Variants in HYDIN observed in about 807,000 individuals in gnomAD.
The protein encoded by HYDIN is axonemal central pair apparatus protein HYDIN.
HYDIN carries 132 observed loss-of-function variants against 403.9 expected under a neutral mutation model. That is an observed-to-expected ratio of 0.33 (90% CI 0.28 to 0.38). The LOEUF (loss-of-function observed/expected upper bound fraction) is 0.38, where lower values mean the gene tolerates loss of function less well. Among genes scored for constraint, HYDIN ranks in the 10% least tolerant of loss-of-function variants. HYDIN has a pLI of 1.00. For missense variants in HYDIN, 2,827 were observed against 5,009.5 expected, an observed-to-expected ratio of 0.56 and a Z score of 13.15; for synonymous variants, 1,202 against 1,891.7, an observed-to-expected ratio of 0.64 and a Z score of 9.46.
At chr16:70,922,820 T>A (rs892082340) in intron 45 of HYDIN, among the ~76,000 whole-genome samples, 3 of 131,604 alleles carry the variant, frequency 2.3e-5, no homozygotes, top group African/African-American at 8.8e-5. Flanking sequence ...CAAGTTGGAG[T>A]GTAGTGGTAT....
chr16:71,005,634 A>T (rs1304489482), intron 23 of HYDIN, among the ~76,000 whole-genome samples: 1 of 152,206 alleles, frequency 6.6e-6, no homozygotes, highest in African/African-American at 2.4e-5. Flanking sequence ...TAGAAATTTC[A>T]ACATTGCTTT....
intron 20 of HYDIN, 185 bp downstream of exon 20, chr16:71,027,417 T>G: frequency 6.8e-7 from 1 of 1,473,740 alleles, no homozygotes; most frequent in Non-Finnish European, 8.9e-7. Context: ...CAGAAACAAA[T>G]TGAAGACTGA....
chr16:70,864,824 G>A (rs71248603), intron 67 of HYDIN, among the ~76,000 whole-genome samples: 10,888 of 152,116 alleles, frequency 0.072, 437 homozygotes, highest in Middle Eastern at 0.16. Context: ...TGTCCCATAC[G>A]GTCTCTGCAA....
intron 15 of HYDIN, chr16:71,066,462 TCAGAATTC>T (rs2082270706): frequency 6.3e-6 from 1 of 159,748 alleles, no homozygotes; most frequent in Admixed American, 6.2e-5. Flanking sequence ...TCACAAGAGA[TCAGAATTC>T]CAGAGATTGA....
At chr16:71,205,194 G>T (rs2088229639) in intron 1 of HYDIN, among the ~76,000 whole-genome samples, 1 of 152,178 alleles carries the variant, frequency 6.6e-6, no homozygotes, top group African/African-American at 2.4e-5. Context: ...GAACAAAAAG[G>T]CCAATGAATA....
chr16:70,833,109 G>A (rs1286461224), intron 79 of HYDIN, 42 bp from the exon 80 acceptor site: 3 of 1,546,554 alleles, frequency 1.9e-6, no homozygotes, highest in Non-Finnish European at 2.6e-6. Context: ...GTTTATGGAT[G>A]TTGTAAGGGT....
Position 70,941,809 on chromosome 16 carries a change from C to G in HYDIN, c.6680G>C (p.Cys2227Ser). ...ILAERIQLSD[C>S]YRGVVFDGLD... ...GCCATCAAACACCACTCCTCGGTAG[C>G]AGTCACTCAGCTGAAACCAGAGAGA... Residue 2227 changes from cysteine (C) to serine (S), a missense_variant, in exon 43 of 86, where the codon TGC (cysteine) becomes TCC (serine). Cys to Ser is a moderately radical substitution (Grantham distance 112). Coordinates refer to ENST00000393567, the MANE Select transcript of HYDIN (RefSeq NM_001270974.2). 1 of 1,512,934 alleles carries G rather than the reference C, an allele frequency of 6.6e-7. No homozygotes were observed. Among genetic ancestry groups the G allele is most frequent in the Admixed American group, 2.2e-5 (1 of 45,394 alleles). The allele number at this position is 1,512,934 out of a possible 1,614,324, so 93.7% of individuals were successfully genotyped here. A position where few individuals can be genotyped will look rare whatever the true frequency, so the allele number is the denominator to read the frequency against.
intron 1 of HYDIN, among the ~76,000 whole-genome samples, chr16:71,199,826 A>G (rs2087895610): frequency 6.6e-6 from 1 of 152,230 alleles, no homozygotes; most frequent in African/African-American, 2.4e-5. Context: ...AATTGTATGA[A>G]GCACAATACA....
Position 71,221,267 on chromosome 16 carries a change from A to G in HYDIN, c.-24+9295T>C, listed in dbSNP as rs532619892. Among the ~76,000 whole-genome samples the G allele has an allele frequency of 1.1e-3, 162 of 152,262 alleles. 1 individual carries two copies. The highest frequency in any genetic ancestry group is 3.8e-3 in the African/African-American group (156 of 41,542). On this transcript the variant is annotated intron_variant, in intron 1 of 85. Transcript: ENST00000393567. Reference sequence around the variant, plus strand: ...GAGAGAAAGGTATAAAGAAAAAAAAAAAAACCCTGAAAGGTTAGAATCACA... The same window carrying G: ...GAGAGAAAGGTATAAAGAAAAAAAAGAAAACCCTGAAAGGTTAGAATCACA...
At chr16:70,937,287 C>A in intron 44 of HYDIN, among the ~76,000 whole-genome samples, 1 of 148,620 alleles carries the variant, frequency 6.7e-6, no homozygotes. Context: ...TCTAAAATCT[C>A]AAAGCAAGGC....
At chr16:71,029,190 A>T (rs1036897480) in intron 19 of HYDIN, among the ~76,000 whole-genome samples, 8 of 151,792 alleles carry the variant, frequency 5.3e-5, no homozygotes, top group African/African-American at 1.9e-4. Context: ...CGGTCTCTGT[A>T]ACAGCTACTC....
chr16:71,102,627 C>A (rs1307824016), intron 10 of HYDIN, among the ~76,000 whole-genome samples: 9 of 151,690 alleles, frequency 5.9e-5, no homozygotes, highest in Non-Finnish European at 1.2e-4. Context: ...TGTGTTACAG[C>A]CCGACCTTCA....
At chr16:71,229,717 A>G (rs755685329) in intron 1 of HYDIN, among the ~76,000 whole-genome samples, 7 of 152,248 alleles carry the variant, frequency 4.6e-5, no homozygotes, top group Non-Finnish European at 8.8e-5. Flanking sequence ...AGATCATTTC[A>G]TTAGTTGCTA....
intron 23 of HYDIN, among the ~76,000 whole-genome samples, chr16:70,996,134 C>T (rs1246934571): frequency 6.6e-6 from 1 of 151,760 alleles, no homozygotes; most frequent in African/African-American, 2.4e-5. Flanking sequence ...CCAAAGCTCC[C>T]CACGGGATCA....
chr16:71,102,897 AATT>A (rs955574079), intron 10 of HYDIN, among the ~76,000 whole-genome samples: 6 of 149,318 alleles, frequency 4.0e-5, no homozygotes, highest in Non-Finnish European at 8.9e-5. Flanking sequence ...AAGAAAATGT[AATT>A]CATGTCTAAA....
chr16:71,182,157 A>G (rs1029327724), intron 3 of HYDIN, among the ~76,000 whole-genome samples: 3 of 152,166 alleles, frequency 2.0e-5, no homozygotes. Flanking sequence ...GGAGAAGAGT[A>G]GAAGGCAAAG....
intron 20 of HYDIN, among the ~76,000 whole-genome samples, chr16:71,026,855 A>C (rs565407208): frequency 2.6e-4 from 40 of 152,200 alleles, no homozygotes; most frequent in Admixed American, 3.9e-4. Flanking sequence ...TAATGTGGGG[A>C]AAAGTCAGTA....
intron 7 of HYDIN, among the ~76,000 whole-genome samples, chr16:71,144,168 T>C (rs2085282760): frequency 1.3e-5 from 2 of 152,238 alleles, no homozygotes; most frequent in Non-Finnish European, 1.5e-5. Context: ...AAAGTTTCAA[T>C]ACAAATATCT....
chr16:70,955,293 C>T (rs968323737), intron 40 of HYDIN, 82 bp downstream of exon 40: 1 of 851,294 alleles, frequency 1.2e-6, no homozygotes, highest in Non-Finnish European at 1.8e-6. Flanking sequence ...GAGGAGAGCT[C>T]AGTGGGGCAC....
Sources: allele counts gnomAD v4.1 joint callset (sites outside exome capture counted in the v4.1 genomes callset), GRCh38; gene constraint gnomAD v4.1.1; transcripts MANE v1.5; gene names NCBI Gene and HGNC (gene_info 2026-07-23, HGNC 2026-07-21).